Variants in SLC2A14 observed in about 807,000 individuals in gnomAD.
The protein encoded by SLC2A14 is solute carrier family 2 member 14.
SLC2A14 carries 13 observed loss-of-function variants against 43.0 expected under a neutral mutation model. That is an observed-to-expected ratio of 0.30 (90% CI 0.20 to 0.48). SLC2A14 has a LOEUF of 0.48. Ranked by LOEUF, SLC2A14 falls within the 20% of genes least tolerant of loss-of-function variation. The pLI, the probability that SLC2A14 is intolerant of heterozygous loss-of-function variation, is 0.99. For missense variants in SLC2A14, 428 were observed against 620.4 expected, an observed-to-expected ratio of 0.69 and a Z score of 3.29; for synonymous variants, 190 against 233.8, an observed-to-expected ratio of 0.81 and a Z score of 1.71.
intron 2 of SLC2A14, among the ~76,000 whole-genome samples, chr12:7,851,270 A>C (rs1031432201): frequency 6.6e-6 from 1 of 152,178 alleles, no homozygotes; most frequent in Non-Finnish European, 1.5e-5. Context: ...TATTCTGTGC[A>C]GTCTCAAGGG....
rs1421981028 is a variant in SLC2A14 at position 7,823,788 on chromosome 12, G to GGGTAACAA, written c.865-2464_865-2463insTTGTTACC. On this transcript the variant is annotated intron_variant, in intron 7 of 10. Transcript: ENST00000431042. ...CAAGTTAACAAGGGAACATTATCTA[G>GGGTAACAA]GTTACCCAGGTTCACTTCAGTTTAT... Among the ~76,000 whole-genome samples, 15 of 152,136 alleles carry GGGTAACAA rather than the reference G, an allele frequency of 9.9e-5. No homozygotes were observed. In the East Asian group the frequency reaches 2.5e-3, roughly 26 times the overall value.
At chr12:7,831,053 G>A (rs1389942733) in intron 4 of SLC2A14, among the ~76,000 whole-genome samples, 6 of 151,044 alleles carry the variant, frequency 4.0e-5, no homozygotes, top group African/African-American at 1.5e-4. Flanking sequence ...GAACCCGGGA[G>A]GCAGAGGTTG....
chr12:7,830,400 C>G (rs1036308646), intron 4 of SLC2A14, among the ~76,000 whole-genome samples: 2 of 152,170 alleles, frequency 1.3e-5, no homozygotes, highest in African/African-American at 2.4e-5. Flanking sequence ...ATCCACCCAC[C>G]TCGGCCTCCC....
At chr12:7,882,481 C>T (rs1012716866) in intron 1 of SLC2A14, among the ~76,000 whole-genome samples, 3 of 152,132 alleles carry the variant, frequency 2.0e-5, no homozygotes, top group South Asian at 2.1e-4. Flanking sequence ...CACAGCGCCC[C>T]TCCACTCCAG....
intron 2 of SLC2A14, among the ~76,000 whole-genome samples, chr12:7,864,453 C>G (rs930901543): frequency 3.9e-5 from 6 of 152,108 alleles, no homozygotes; most frequent in Non-Finnish European, 8.8e-5. Context: ...ATTCTCCTGC[C>G]TCAGCCTTCC....
rs754867022 is a variant in SLC2A14 at position 7,814,289 on chromosome 12, C to T, written c.*27G>A. 95 of 1,533,412 alleles carry T rather than the reference C, an allele frequency of 6.2e-5. No homozygotes were observed. The highest frequency in any genetic ancestry group is 6.8e-5 in the African/African-American group (5 of 73,874). 95.0% of individuals were successfully genotyped at this position (1,533,412 alleles called of 1,614,324 possible). On this transcript the variant is annotated 3_prime_UTR_variant, in exon 11 of 11. Coordinates refer to ENST00000431042, the MANE Select transcript of SLC2A14 (RefSeq NM_001286234.2). Reference sequence around the variant, plus strand: ...TGAGGGAGAGGTGGCTTTCCCATGCCGGGAGGGAGGTGGAAGGAGGCATGA... The same window carrying T: ...TGAGGGAGAGGTGGCTTTCCCATGCTGGGAGGGAGGTGGAAGGAGGCATGA...
At chr12:7,862,620 G>C (rs911882090) in intron 2 of SLC2A14, among the ~76,000 whole-genome samples, 1 of 152,180 alleles carries the variant, frequency 6.6e-6, no homozygotes, top group Non-Finnish European at 1.5e-5. Context: ...ACCGGTGCGT[G>C]ATCCACTAGG....
intron 2 of SLC2A14, among the ~76,000 whole-genome samples, chr12:7,840,961 G>C (rs1002152300): frequency 2.0e-5 from 3 of 147,910 alleles, no homozygotes; most frequent in Non-Finnish European, 4.4e-5. Context: ...CTAAGTCGGC[G>C]ATGATGCTAG....
intron 7 of SLC2A14, among the ~76,000 whole-genome samples, chr12:7,824,579 C>T (rs1360287263): frequency 6.6e-6 from 1 of 150,978 alleles, no homozygotes; most frequent in Admixed American, 6.6e-5. Flanking sequence ...ACTAAAAACA[C>T]AAAATTAGCC....
chr12:7,835,357 A>C (rs1865365413), intron 2 of SLC2A14, among the ~76,000 whole-genome samples: 1 of 152,200 alleles, frequency 6.6e-6, no homozygotes, highest in Non-Finnish European at 1.5e-5. Context: ...ACTGCACTCC[A>C]GCCTGGGTGC....
Position 7,836,053 on chromosome 12 carries a change from CT to C in SLC2A14, c.19-3240del, listed in dbSNP as rs754632796. ...CACTTTCACGAAGGTCTTCCTTCCT[CT>C]TTCCTCTCCCTTCTTCAAAAATGAA... is the stretch of plus-strand genomic sequence containing the variant. On this transcript the variant is annotated intron_variant, in intron 2 of 10. Coordinates refer to ENST00000431042, the MANE Select transcript of SLC2A14 (RefSeq NM_001286234.2). 3.3e-3 allele frequency among the ~76,000 whole-genome samples: 505 copies of C among 152,246 alleles called. 1 individual carries two copies. The highest frequency in any genetic ancestry group is 0.011 in the African/African-American group (477 of 41,538).
chr12:7,826,868 T>TCCTTCCTTCCTTCCCTC (rs1491155908), intron 7 of SLC2A14, among the ~76,000 whole-genome samples: 1 of 51,072 alleles, frequency 2.0e-5, no homozygotes, highest in African/African-American at 7.7e-5. Flanking sequence ...CTTTTTTCTT[T>TCCTTCCTTCCTTCCCTC]CTTTCTTTCT....
At chr12:7,851,397 C>T (rs1345827976) in intron 2 of SLC2A14, among the ~76,000 whole-genome samples, 1 of 152,136 alleles carries the variant, frequency 6.6e-6, no homozygotes, top group African/African-American at 2.4e-5. Flanking sequence ...CAGGTGTTCA[C>T]TTATCAATCC....
chr12:7,877,005 CTTTTTTTTT>C (rs57906469), upstream of SLC2A14, among the ~76,000 whole-genome samples: 5 of 132,958 alleles, frequency 3.8e-5, no homozygotes, highest in African/African-American at 1.4e-4. Context: ...AATTTTTTTT[CTTTTTTTTT>C]TTTTTTTGAT....
At chr12:7,890,407 G>A (rs576975545) in intron 1 of SLC2A14, among the ~76,000 whole-genome samples, 9 of 151,958 alleles carry the variant, frequency 5.9e-5, no homozygotes, top group Admixed American at 2.0e-4. Flanking sequence ...ACTGAAGATC[G>A]TCCAGTCTTC....
chr12:7,831,421 C>A (rs7966554), intron 4 of SLC2A14, 183 bp downstream of exon 4: 826,224 of 828,676 alleles, frequency 1, 411,927 homozygotes, highest in Non-Finnish European at 1. Context: ...GGTGGGAGCT[C>A]TCCAGGGTAG....
At chr12:7,882,069 G>C (rs1346727234) in intron 1 of SLC2A14, among the ~76,000 whole-genome samples, 1 of 152,074 alleles carries the variant, frequency 6.6e-6, no homozygotes, top group Non-Finnish European at 1.5e-5. Flanking sequence ...TAACATGTTG[G>C]CCTCCCTTTC....
intron 9 of SLC2A14, among the ~76,000 whole-genome samples, chr12:7,818,569 G>A (rs1408108758): frequency 6.6e-6 from 1 of 152,124 alleles, no homozygotes; most frequent in Non-Finnish European, 1.5e-5. Context: ...GGCTGAGGCA[G>A]GAGAATCAAT....
intron 4 of SLC2A14, chr12:7,831,202 A>G (rs1211336427): frequency 6.3e-6 from 1 of 159,364 alleles, no homozygotes; most frequent in African/African-American, 2.4e-5. Flanking sequence ...GATAATTCCT[A>G]CCAATCCTGT....
Sources: allele counts gnomAD v4.1 joint callset (sites outside exome capture counted in the v4.1 genomes callset), GRCh38; gene constraint gnomAD v4.1.1; transcripts MANE v1.5; gene names NCBI Gene and HGNC (gene_info 2026-07-23, HGNC 2026-07-21).